Variants in DPYSL5 observed in about 807,000 individuals in gnomAD.
DPYSL5 encodes dihydropyrimidinase like 5, also known as dihydropyrimidinase-related protein 5.
In DPYSL5, 9 loss-of-function variants were observed where a neutral mutation model predicts 58.4. The observed-to-expected ratio is 0.15, with a 90% confidence interval of 0.09 to 0.27. The LOEUF is 0.27. Among genes scored for constraint, DPYSL5 ranks in the 10% least tolerant of loss-of-function variants. The pLI, the probability that DPYSL5 is intolerant of heterozygous loss-of-function variation, is 1.00. For missense variants in DPYSL5, 499 were observed against 770.6 expected, an observed-to-expected ratio of 0.65 and a Z score of 4.17; for synonymous variants, 293 against 301.9, an observed-to-expected ratio of 0.97 and a Z score of 0.31.
chr2:26,882,543 C>G (rs747388297), intron 1 of DPYSL5, among the ~76,000 whole-genome samples: 2 of 152,112 alleles, frequency 1.3e-5, no homozygotes, highest in Non-Finnish European at 2.9e-5. Context: ...CTGCCTCAGC[C>G]TCCCAAAGTG....
At chr2:26,856,956 C>CATATA (rs1558319139) in intron 1 of DPYSL5, among the ~76,000 whole-genome samples, 1 of 143,632 alleles carries the variant, frequency 7.0e-6, no homozygotes, top group African/African-American at 2.8e-5. Context: ...ATATATTATA[C>CATATA]TAGTTTTCAA....
intron 1 of DPYSL5, among the ~76,000 whole-genome samples, chr2:26,895,905 G>A (rs1328793346): frequency 5.4e-5 from 8 of 147,142 alleles, no homozygotes; most frequent in Admixed American, 3.5e-4. Context: ...TCAGCCTCCC[G>A]AGTAGCTGGG....
chr2:26,848,150 G>A lies in DPYSL5; in HGVS notation c.-109G>A, dbSNP rs1272009950. On this transcript the variant is annotated 5_prime_UTR_variant, in exon 1 of 13. Coordinates refer to ENST00000288699, the MANE Select transcript of DPYSL5 (RefSeq NM_020134.4). Reference sequence around the variant, plus strand: ...GCGCGCTGAGGCGGCCCCCGAGCGAGCGCGCGTGCAGCCGCCGCCGCCCCG... The same window carrying A: ...GCGCGCTGAGGCGGCCCCCGAGCGAACGCGCGTGCAGCCGCCGCCGCCCCG... The A allele has an allele frequency of 6.6e-6, 1 of 151,446 alleles. No homozygotes were observed. Among genetic ancestry groups the A allele is most frequent in the Non-Finnish European group, 1.5e-5 (1 of 67,848 alleles). 9.4% of individuals were successfully genotyped at this position (151,446 alleles called of 1,614,324 possible).
intron 8 of DPYSL5, 191 bp from the exon 9 acceptor site, chr2:26,939,840 C>A: frequency 1.6e-6 from 1 of 642,592 alleles, no homozygotes; most frequent in South Asian, 1.9e-5. Flanking sequence ...CACACTCATT[C>A]TGTAGATGAG....
rs1664068009 is a variant in DPYSL5, at chr2:26,898,363, G to A, written c.-4-133G>A. 14 of 1,274,926 alleles carry A rather than the reference G, an allele frequency of 1.1e-5. No individual in the cohort carries two copies. The highest frequency in any genetic ancestry group is 1.5e-5 in the Non-Finnish European group (14 of 915,098). The allele number at this position is 1,274,926 out of a possible 1,614,324, so 79.0% of individuals were successfully genotyped here. On this transcript the variant is annotated intron_variant, in intron 1 of 12. Coordinates refer to ENST00000288699, the MANE Select transcript of DPYSL5 (RefSeq NM_020134.4). The surrounding 1 kb of genome is among the most constrained non-coding windows in gnomAD (Gnocchi z 6.1). ...CAGTGGGAGGCTTGTGACTCCCGCT[G>A]GCTGTAGGGGAAAGTTCCTCCTCTT...
chr2:26,931,300 A>G (rs1360785305), intron 5 of DPYSL5, among the ~76,000 whole-genome samples: 2 of 149,000 alleles, frequency 1.3e-5, no homozygotes, highest in African/African-American at 4.9e-5. Flanking sequence ...TCCGGAGTCA[A>G]ATCAGCCACT....
rs1229185042 is a variant in DPYSL5, at chr2:26,927,128, G to C, written c.421-125G>C. 7.3e-6 allele frequency: 7 copies of C among 961,710 alleles called. No homozygotes were observed. The highest frequency in any genetic ancestry group is 5.3e-5 in the East Asian group (2 of 37,396). 59.6% of individuals were successfully genotyped at this position (961,710 alleles called of 1,614,324 possible). ...GGAGGAAAGTGAGATAGAGAGGTGTGGGGGGTCAACCGACAGACTGAGCTG... is the reference window on the plus strand; with the variant it reads ...GGAGGAAAGTGAGATAGAGAGGTGTCGGGGGTCAACCGACAGACTGAGCTG... On this transcript the variant is annotated intron_variant, in intron 3 of 12. Coordinates refer to ENST00000288699, the MANE Select transcript of DPYSL5 (RefSeq NM_020134.4). This position sits in a 1 kb window ranked among gnomAD's most constrained non-coding sequence, Gnocchi z 4.3.
At chr2:26,888,238 T>C (rs1349842421) in intron 1 of DPYSL5, among the ~76,000 whole-genome samples, 1 of 146,038 alleles carries the variant, frequency 6.8e-6, no homozygotes, top group African/African-American at 2.6e-5. Context: ...TCTTTCTTTC[T>C]TTCTTTCTTT....
rs1196292688 is a variant in DPYSL5, at chr2:26,933,369, A to G, written c.790+36A>G. The stretch of plus-strand genomic sequence containing the variant: ...AGACTTGGCTGGACAGAGCAGGTCA[A>G]GTGGAGGGACTGGAGATGGATGGGG... On this transcript the variant is annotated intron_variant, in intron 7 of 12. Transcript: ENST00000288699. The surrounding 1 kb of genome is among the most constrained non-coding windows in gnomAD (Gnocchi z 4.2). 6.3e-7 allele frequency: 1 copy of G among 1,597,714 alleles called. No homozygotes were observed. Among genetic ancestry groups the G allele is most frequent in the Admixed American group, 1.7e-5 (1 of 59,974 alleles).
At chr2:26,857,979 A>G (rs1194108088) in intron 1 of DPYSL5, among the ~76,000 whole-genome samples, 2 of 152,138 alleles carry the variant, frequency 1.3e-5, no homozygotes, top group Non-Finnish European at 2.9e-5. Context: ...TAATTATAGG[A>G]TGGTGGTAAT....
At chr2:26,918,500 A>G (rs1239007108) in intron 2 of DPYSL5, among the ~76,000 whole-genome samples, 1 of 151,596 alleles carries the variant, frequency 6.6e-6, no homozygotes, top group African/African-American at 2.4e-5. Context: ...GTACTTCGGG[A>G]GGATGTGAAT....
At chr2:26,884,630 C>A (rs999015652) in intron 1 of DPYSL5, among the ~76,000 whole-genome samples, 4 of 152,108 alleles carry the variant, frequency 2.6e-5, no homozygotes, top group African/African-American at 9.7e-5. Context: ...AAGTGGTCAG[C>A]AGCTCCCATT....
chr2:26,892,106 C>T (rs759067062), intron 1 of DPYSL5, among the ~76,000 whole-genome samples: 1 of 152,202 alleles, frequency 6.6e-6, no homozygotes. Context: ...GAGTTAATTC[C>T]CTTAAGTCAG....
chr2:26,863,464 A>G (rs1572673483), intron 1 of DPYSL5, among the ~76,000 whole-genome samples: 1 of 152,170 alleles, frequency 6.6e-6, no homozygotes, highest in East Asian at 1.9e-4. Context: ...AGGAGCTCAT[A>G]CCCCTGGGAG....
intron 1 of DPYSL5, among the ~76,000 whole-genome samples, chr2:26,879,375 C>T (rs1663495821): frequency 6.7e-6 from 1 of 148,428 alleles, no homozygotes; most frequent in Non-Finnish European, 1.5e-5. Context: ...AATCCCAGCA[C>T]TTTGGGAGCC....
chr2:26,861,668 C>A (rs987660716), intron 1 of DPYSL5, among the ~76,000 whole-genome samples: 1 of 152,136 alleles, frequency 6.6e-6, no homozygotes, highest in African/African-American at 2.4e-5. Context: ...GCATTCATTT[C>A]ATTTTGCCTT....
chr2:26,854,937 C>T (rs1665842696), intron 1 of DPYSL5, among the ~76,000 whole-genome samples: 1 of 152,022 alleles, frequency 6.6e-6, no homozygotes, highest in Non-Finnish European at 1.5e-5. Context: ...CCTGCCTCAG[C>T]TTCCCGAGTA....
intron 1 of DPYSL5, among the ~76,000 whole-genome samples, chr2:26,868,370 T>C (rs1663166080): frequency 1.3e-5 from 2 of 152,222 alleles, no homozygotes; most frequent in Admixed American, 1.3e-4. Flanking sequence ...TGTGTGTGTG[T>C]GTGGCCTCTG....
At chr2:26,881,832 C>T (rs1343135900) in intron 1 of DPYSL5, among the ~76,000 whole-genome samples, 1 of 152,104 alleles carries the variant, frequency 6.6e-6, no homozygotes, top group African/African-American at 2.4e-5. Flanking sequence ...TGGCTCACAC[C>T]TGTAATCCCA....
Sources: gnomAD v4.1 joint callset for allele counts (sites outside exome capture counted in the v4.1 genomes callset) on GRCh38, gnomAD v4.1.1 for gene constraint, Gnocchi (gnomAD v3.1) non-coding constraint, MANE v1.5 for transcripts, NCBI Gene and HGNC (gene_info 2026-07-23, HGNC 2026-07-21) for gene names.